The following RAB3GAP1 variants were observed in gnomAD, a reference collection of about 807,000 sequenced individuals.
RAB3GAP1 encodes the protein rab3 GTPase-activating protein catalytic subunit.
Under a neutral mutation model 130.7 loss-of-function variants are expected in RAB3GAP1, and 86 were observed. The ratio of observed to expected loss-of-function variants is 0.66; its 90% CI spans 0.55 to 0.79. The LOEUF is 0.79. Ranked by LOEUF, RAB3GAP1 falls within the 30% of genes least tolerant of loss-of-function variation. RAB3GAP1 has a pLI of 0.00. For synonymous variants in RAB3GAP1, 367 were observed against 401.7 expected (o/e 0.91, Z 1.03); for missense variants, 1,029 against 1,169.4 (o/e 0.88, Z 1.75).
chr2:135,098,211 G>T (rs1425395490), intron 5 of RAB3GAP1, among the ~76,000 whole-genome samples: 1 of 151,982 alleles, frequency 6.6e-6, no homozygotes, highest in Non-Finnish European at 1.5e-5. Flanking sequence ...TTTTTTGGGG[G>T]TGGGGGTTGT....
Position 135,135,341 on chromosome 2 carries a change from G to A in RAB3GAP1, c.1554+22G>A, listed in dbSNP as rs202242884. The A allele has an allele frequency of 4.1e-5, 65 of 1,569,434 alleles. No homozygotes were observed. In the Admixed American group the frequency reaches 5.3e-4, roughly 13 times the overall value. On this transcript the variant is annotated intron_variant, in intron 16 of 23. Coordinates refer to ENST00000264158, the MANE Select transcript of RAB3GAP1 (RefSeq NM_012233.3). ...ACAGGTAAAGATTTCTCAATGACAT[G>A]GATAAATGTGGTCTTGATTTAATCA...
At chr2:135,077,635 C>T (rs1178981662) in intron 3 of RAB3GAP1, among the ~76,000 whole-genome samples, 2 of 152,202 alleles carry the variant, frequency 1.3e-5, no homozygotes, top group African/African-American at 2.4e-5. Flanking sequence ...GGAACCATCA[C>T]GTTTTCCACA....
intron 3 of RAB3GAP1, among the ~76,000 whole-genome samples, chr2:135,081,359 T>TAC (rs1360499742): frequency 2.5e-5 from 2 of 81,082 alleles, no homozygotes; most frequent in Non-Finnish European, 4.2e-5. Flanking sequence ...TATATATATA[T>TAC]ATACACACAC....
intron 5 of RAB3GAP1, among the ~76,000 whole-genome samples, chr2:135,108,664 C>T (rs894219035): frequency 2.6e-5 from 4 of 151,996 alleles, no homozygotes; most frequent in Admixed American, 2.0e-4. Flanking sequence ...TTGACAGTGT[C>T]TTTTGCAGAG....
chr2:135,152,281 C>A (rs1692198945), intron 18 of RAB3GAP1, among the ~76,000 whole-genome samples: 1 of 152,184 alleles, frequency 6.6e-6, no homozygotes, highest in Admixed American at 6.5e-5. Context: ...CTGGAGCATG[C>A]CCTTGTGGTA....
chr2:135,140,069 C>T (rs1358267830), intron 17 of RAB3GAP1, among the ~76,000 whole-genome samples: 2 of 152,098 alleles, frequency 1.3e-5, no homozygotes, highest in African/African-American at 4.8e-5. Flanking sequence ...CTTGTTGTTG[C>T]AGGCTTCAGT....
At chr2:135,135,171 A>G (rs1413437644) in intron 15 of RAB3GAP1, 94 bp from the exon 16 acceptor site, 55 of 989,548 alleles carry the variant, frequency 5.6e-5, no homozygotes, top group Non-Finnish European at 7.6e-5. Context: ...TTTCTTATCA[A>G]TATAGCTAAA....
rs115169554 is a variant in RAB3GAP1 at position 135,053,618 on chromosome 2, T to C, written c.74+1133T>C. ...CACAGGAAAATATAAAAGGTCCTTG[T>C]TGGAATAATAGTTAGACCTGTGGTA... On this transcript the variant is annotated intron_variant, in intron 2 of 23. Coordinates refer to ENST00000264158, the MANE Select transcript of RAB3GAP1 (RefSeq NM_012233.3). 1.0e-2 allele frequency among the ~76,000 whole-genome samples: 1,518 copies of C among 152,280 alleles called. 23 individuals carry two copies. Among genetic ancestry groups the C allele is most frequent in the African/African-American group, 0.035 (1,445 of 41,536 alleles).
At chr2:135,105,589 C>G (rs1243366805) in intron 5 of RAB3GAP1, among the ~76,000 whole-genome samples, 1 of 152,142 alleles carries the variant, frequency 6.6e-6, no homozygotes, top group Non-Finnish European at 1.5e-5. Context: ...CTACAACCTC[C>G]ACCTCCCAGC....
chr2:135,167,613 G>A, intron 23 of RAB3GAP1: 1 of 1,201,606 alleles, frequency 8.3e-7, no homozygotes, highest in South Asian at 1.3e-5. Flanking sequence ...AAATAATCCT[G>A]AACTCCCTTG....
chr2:135,099,864 C>T (rs1037317664), intron 5 of RAB3GAP1, among the ~76,000 whole-genome samples: 2 of 151,950 alleles, frequency 1.3e-5, no homozygotes, highest in African/African-American at 2.4e-5. Flanking sequence ...TGGAGTAAAT[C>T]TAAATATAAA....
At chr2:135,055,061 G>A (rs1269623718) in intron 2 of RAB3GAP1, among the ~76,000 whole-genome samples, 2 of 152,184 alleles carry the variant, frequency 1.3e-5, no homozygotes, top group Non-Finnish European at 2.9e-5. Flanking sequence ...CGGATTTAGG[G>A]ATGTGGTGGT....
chr2:135,107,741 A>G (rs1690669954), intron 5 of RAB3GAP1, among the ~76,000 whole-genome samples: 1 of 152,120 alleles, frequency 6.6e-6, no homozygotes, highest in African/African-American at 2.4e-5. Flanking sequence ...TAATCCCAGC[A>G]CTTTGGGTGG....
chr2:135,130,836 T>TA (rs1414632281), intron 13 of RAB3GAP1, 115 bp downstream of exon 13: 2 of 949,256 alleles, frequency 2.1e-6, no homozygotes, highest in Admixed American at 2.4e-5. Context: ...GTAAAACAGT[T>TA]ACCACATTTA....
At chr2:135,140,970 G>A (rs895961888) in intron 17 of RAB3GAP1, among the ~76,000 whole-genome samples, 4 of 152,028 alleles carry the variant, frequency 2.6e-5, no homozygotes, top group Non-Finnish European at 4.4e-5. Flanking sequence ...GATATTTTTG[G>A]TCATTTTAAT....
chr2:135,131,532 G>A (rs927463814), intron 13 of RAB3GAP1, among the ~76,000 whole-genome samples: 5 of 152,106 alleles, frequency 3.3e-5, no homozygotes, highest in South Asian at 2.1e-4. Context: ...ACCTGGCCCC[G>A]GAAGTATATT....
At chr2:135,061,493 A>G (rs1558757532) in intron 3 of RAB3GAP1, among the ~76,000 whole-genome samples, 1 of 152,102 alleles carries the variant, frequency 6.6e-6, no homozygotes, top group Non-Finnish European at 1.5e-5. Flanking sequence ...TGTGCTTTTA[A>G]TTTATATTTC....
intron 3 of RAB3GAP1, among the ~76,000 whole-genome samples, chr2:135,066,418 TA>T (rs1689324954): frequency 6.6e-6 from 1 of 152,214 alleles, no homozygotes; most frequent in Non-Finnish European, 1.5e-5. Flanking sequence ...ACTTAATCCT[TA>T]AACAGACTTC....
intron 17 of RAB3GAP1, chr2:135,136,753 A>G: frequency 9.1e-7 from 1 of 1,098,978 alleles, no homozygotes; most frequent in Non-Finnish European, 1.2e-6. Context: ...AAGAAGGGAT[A>G]TTATGATACC....
Sources: allele counts gnomAD v4.1 joint callset (sites outside exome capture counted in the v4.1 genomes callset), GRCh38; gene constraint gnomAD v4.1.1; transcripts MANE v1.5; gene names NCBI Gene and HGNC (gene_info 2026-07-23, HGNC 2026-07-21).